The following CNTNAP2 variants were observed in gnomAD, a reference collection of about 807,000 sequenced individuals.
The protein encoded by CNTNAP2 is contactin-associated protein-like 2.
In CNTNAP2, 98 loss-of-function variants were observed where a neutral mutation model predicts 155.2. The ratio of observed to expected loss-of-function variants is 0.63; its 90% CI spans 0.54 to 0.75. CNTNAP2 has a LOEUF of 0.75. CNTNAP2 is among the 30% of genes least tolerant of loss of function. CNTNAP2 has a pLI of 0.00. For synonymous variants in CNTNAP2, 651 were observed against 631.2 expected, an observed-to-expected ratio of 1.03 and a Z score of -0.47; for missense variants, 1,727 against 1,688.1, an observed-to-expected ratio of 1.02 and a Z score of -0.40.
chr7:146,226,378 G>C (rs150187625), intron 1 of CNTNAP2, among the ~76,000 whole-genome samples: 1 of 152,140 alleles, frequency 6.6e-6, no homozygotes, highest in Non-Finnish European at 1.5e-5. Flanking sequence ...TTATCCTAGG[G>C]CTAGGCATGG....
rs61319652 is a variant in CNTNAP2, at chr7:147,341,070, T to TTGTGTGTGTGTG, written c.1498+40790_1498+40801dup. Reference sequence around the variant, plus strand: ...GCCTGCCTCTTCCAGCATTGTGTGTTTGTGTGTGTGTGTGTGTGTGTATAT... The same window carrying TTGTGTGTGTGTG: ...GCCTGCCTCTTCCAGCATTGTGTGTTTGTGTGTGTGTGTGTGTGTGTGTGTGTGTGTGTATAT... On this transcript the variant is annotated intron_variant, in intron 9 of 23. Coordinates refer to ENST00000361727, the MANE Select transcript of CNTNAP2 (RefSeq NM_014141.6). Among the ~76,000 whole-genome samples, 487 of 148,842 alleles carry TTGTGTGTGTGTG rather than the reference T, an allele frequency of 3.3e-3. 1 individual carries two copies. The highest frequency in any genetic ancestry group is 4.1e-3 in the Non-Finnish European group (279 of 67,462).
intron 13 of CNTNAP2, among the ~76,000 whole-genome samples, chr7:147,893,400 A>G (rs10227044): frequency 0.017 from 2,554 of 152,288 alleles, 72 homozygotes; most frequent in African/African-American, 0.056. Context: ...ACCTCTTTGT[A>G]TCTTACCAAG....
At chr7:146,832,545 A>G (rs1029419531) in intron 2 of CNTNAP2, among the ~76,000 whole-genome samples, 6 of 148,012 alleles carry the variant, frequency 4.1e-5, no homozygotes, top group Admixed American at 2.0e-4. Context: ...ATCAATATAC[A>G]TTATACTATG....
rs907499145 is a variant in CNTNAP2, at chr7:146,613,452, C to T, written c.98-160819C>T. ...TTGATTATAGTAAAATCCAACATTC[C>T]TATAGAAATATAATTCAATTAACAT... On this transcript the variant is annotated intron_variant, in intron 1 of 23. Coordinates refer to ENST00000361727, the MANE Select transcript of CNTNAP2 (RefSeq NM_014141.6). Among the ~76,000 whole-genome samples, 15 of 152,204 alleles carry T rather than the reference C, an allele frequency of 9.9e-5. 1 individual carries two copies. Among genetic ancestry groups the T allele is most frequent in the Middle Eastern group, 3.4e-3 (1 of 294 alleles).
chr7:146,273,531 A>G (rs1018461007), intron 1 of CNTNAP2, among the ~76,000 whole-genome samples: 4 of 152,192 alleles, frequency 2.6e-5, no homozygotes, highest in Non-Finnish European at 4.4e-5. Flanking sequence ...GTGTGTTTCA[A>G]TAAAATTTTA....
At chr7:147,888,612 T>G (rs1050893401) in intron 13 of CNTNAP2, among the ~76,000 whole-genome samples, 3 of 151,726 alleles carry the variant, frequency 2.0e-5, no homozygotes, top group Non-Finnish European at 4.4e-5. Flanking sequence ...ATAGTGGATG[T>G]AAGCCAGAAT....
At chr7:147,148,671 G>A (rs1465394408) in intron 8 of CNTNAP2, among the ~76,000 whole-genome samples, 9 of 152,146 alleles carry the variant, frequency 5.9e-5, no homozygotes, top group African/African-American at 1.7e-4. Flanking sequence ...CTGTGGGTTC[G>A]TGGTCTCACT....
At chr7:148,073,074 C>T (rs1005087966) in intron 15 of CNTNAP2, among the ~76,000 whole-genome samples, 38 of 152,160 alleles carry the variant, frequency 2.5e-4, no homozygotes, top group African/African-American at 8.9e-4. Context: ...CATTAACACC[C>T]TACATCCCCC....
chr7:147,965,918 C>T (rs1035161847), intron 14 of CNTNAP2, among the ~76,000 whole-genome samples: 1 of 152,114 alleles, frequency 6.6e-6, no homozygotes, highest in Non-Finnish European at 1.5e-5. Flanking sequence ...ACAGCATCTT[C>T]GAGATATTGA....
rs1800098816 is a variant in CNTNAP2, at chr7:147,563,210, A to T, written c.1897+953A>T. Among the ~76,000 whole-genome samples, 3 of 152,348 alleles carry T rather than the reference A, an allele frequency of 2.0e-5. No individual in the cohort carries two copies. In the South Asian group the frequency reaches 6.2e-4, roughly 32 times the overall value. On this transcript the variant is annotated intron_variant, in intron 12 of 23. Transcript: ENST00000361727. ...ATGAATTAATGAGAATACCCACCTC[A>T]TAGCATTATTGTATGAATACAATAA...
intron 1 of CNTNAP2, among the ~76,000 whole-genome samples, chr7:146,136,100 C>T (rs1041148450): frequency 2.0e-5 from 3 of 152,078 alleles, no homozygotes; most frequent in African/African-American, 7.2e-5. Context: ...TTATTTATAG[C>T]TATTATTTCT....
chr7:148,256,562 C>A (rs990965890), intron 20 of CNTNAP2, among the ~76,000 whole-genome samples: 4 of 152,070 alleles, frequency 2.6e-5, no homozygotes, highest in Non-Finnish European at 5.9e-5. Flanking sequence ...AATGACCTTC[C>A]ATAGAGGACA....
chr7:146,832,723 CTAAT>C (rs1298725234), intron 2 of CNTNAP2, among the ~76,000 whole-genome samples: 2 of 151,172 alleles, frequency 1.3e-5, no homozygotes, highest in Non-Finnish European at 2.9e-5. Context: ...TTTTAGCTCA[CTAAT>C]TATTTCTTTT....
chr7:147,857,483 A>G (rs1799059329), intron 13 of CNTNAP2, among the ~76,000 whole-genome samples: 1 of 152,220 alleles, frequency 6.6e-6, no homozygotes, highest in Non-Finnish European at 1.5e-5. Context: ...ATGTGACTCT[A>G]AAATCTCACC....
At chr7:147,886,381 A>T (rs1019791195) in intron 13 of CNTNAP2, among the ~76,000 whole-genome samples, 1 of 144,878 alleles carries the variant, frequency 6.9e-6, no homozygotes, top group Non-Finnish European at 1.5e-5. Context: ...AGGCTGAGGC[A>T]GGAGAATCGC....
chr7:148,415,574 C>CACAGAGACCATTG lies in CNTNAP2; in HGVS notation c.3956_3968dup (p.Glu1324ArgfsTer4), dbSNP rs780739405. On this transcript the variant is annotated frameshift_variant, in exon 24 of 24. Transcript: ENST00000361727. LOFTEE classifies it high-confidence loss of function. ...CCATCATGAACAACGACCCCAACTT[C>CACAGAGACCATTG]ACAGAGACCATTGATGAAAGCAAAA... The CACAGAGACCATTG allele has an allele frequency of 6.2e-7, 1 of 1,614,224 alleles. No homozygotes were observed. The highest frequency in any genetic ancestry group is 8.5e-7 in the Non-Finnish European group (1 of 1,180,052).
chr7:147,320,888 C>T (rs1013968802), intron 9 of CNTNAP2, among the ~76,000 whole-genome samples: 1 of 152,154 alleles, frequency 6.6e-6, no homozygotes, highest in African/African-American at 2.4e-5. Context: ...TGACCTCCTG[C>T]TGATACAAAT....
chr7:147,470,787 T>C (rs1432040873), intron 10 of CNTNAP2, among the ~76,000 whole-genome samples: 2 of 151,964 alleles, frequency 1.3e-5, no homozygotes, highest in African/African-American at 4.8e-5. Flanking sequence ...TAACTGCAGA[T>C]GAGGTGGGGT....
chr7:146,930,494 G>A (rs926215955), intron 3 of CNTNAP2, among the ~76,000 whole-genome samples: 4 of 152,170 alleles, frequency 2.6e-5, no homozygotes, highest in African/African-American at 7.2e-5. Context: ...ATACCAAATT[G>A]TAAAGACCAT....
Sources: gnomAD v4.1 joint callset for allele counts (sites outside exome capture counted in the v4.1 genomes callset) on GRCh38, gnomAD v4.1.1 for gene constraint, MANE v1.5 for transcripts, NCBI Gene and HGNC (gene_info 2026-07-23, HGNC 2026-07-21) for gene names.